Variants in TLN2 observed in about 807,000 individuals in gnomAD.
The protein encoded by TLN2 is talin 2.
TLN2 carries 118 observed loss-of-function variants against 294.7 expected under a neutral mutation model. The observed-to-expected ratio is 0.40, with a 90% CI of 0.34 to 0.47. The LOEUF (loss-of-function observed/expected upper bound fraction) is 0.47, where lower values mean the gene tolerates loss of function less well. TLN2 is among the 20% of genes least tolerant of loss of function. The pLI, the probability that TLN2 is intolerant of heterozygous loss-of-function variation, is 0.84. For synonymous variants in TLN2, 1,431 were observed against 1,304.5 expected (o/e 1.10, Z -2.09); for missense variants, 3,083 against 3,282.2 (o/e 0.94, Z 1.48).
chr15:62,714,685 A>G (rs572134846), intron 22 of TLN2, among the ~76,000 whole-genome samples: 2 of 152,298 alleles, frequency 1.3e-5, no homozygotes, highest in Admixed American at 6.5e-5. Flanking sequence ...CTTTGTAGCA[A>G]TATTTTAATT....
chr15:62,794,864 T>C (rs1257259847), intron 46 of TLN2, among the ~76,000 whole-genome samples: 4 of 152,184 alleles, frequency 2.6e-5, no homozygotes, highest in African/African-American at 9.7e-5. Context: ...TCCCCTGCCC[T>C]GGTCAGCATG....
intron 3 of TLN2, among the ~76,000 whole-genome samples, chr15:62,628,502 C>A (rs1475015345): frequency 1.3e-5 from 2 of 152,204 alleles, no homozygotes; most frequent in African/African-American, 4.8e-5. Context: ...GTATGAATTA[C>A]AGTAGAGATT....
intron 11 of TLN2, among the ~76,000 whole-genome samples, chr15:62,675,564 C>G (rs2056088373): frequency 6.6e-6 from 1 of 152,182 alleles, no homozygotes; most frequent in African/African-American, 2.4e-5. Flanking sequence ...AGATCACTGT[C>G]AAAGCTATAA....
At chr15:62,582,223 C>CACACACACACAT (rs1567138640) in intron 1 of TLN2, among the ~76,000 whole-genome samples, 5 of 144,182 alleles carry the variant, frequency 3.5e-5, no homozygotes, top group Admixed American at 7.2e-5. Flanking sequence ...CACACACACA[C>CACACACACACAT]ACACACACAC....
At chr15:62,799,236 G>C (rs2065754421) in intron 48 of TLN2, among the ~76,000 whole-genome samples, 1 of 152,190 alleles carries the variant, frequency 6.6e-6, no homozygotes, top group South Asian at 2.1e-4. Context: ...CATAAGGGTT[G>C]TGGTTCCCAC....
chr15:62,782,483 G>A (rs967331184), intron 44 of TLN2, among the ~76,000 whole-genome samples: 2 of 152,238 alleles, frequency 1.3e-5, no homozygotes, highest in Admixed American at 1.3e-4. Context: ...TGTCTCCAGA[G>A]CCAGGTCCTG....
chr15:62,731,656 C>A (rs773777641), intron 28 of TLN2, among the ~76,000 whole-genome samples: 1 of 152,176 alleles, frequency 6.6e-6, no homozygotes, highest in Non-Finnish European at 1.5e-5. Flanking sequence ...AGAAACTTTA[C>A]TCAGCTTCTT....
intron 48 of TLN2, among the ~76,000 whole-genome samples, chr15:62,798,257 G>A (rs1419893644): frequency 6.6e-6 from 1 of 152,112 alleles, no homozygotes; most frequent in East Asian, 1.9e-4. Flanking sequence ...GAGAAGAACT[G>A]GAAGGCTAGG....
intron 1 of TLN2, among the ~76,000 whole-genome samples, chr15:62,441,763 A>G (rs1476343000): frequency 6.6e-6 from 1 of 152,208 alleles, no homozygotes; most frequent in African/African-American, 2.4e-5. Context: ...ATTGATCAGC[A>G]ATGGCCAATG....
intron 11 of TLN2, among the ~76,000 whole-genome samples, chr15:62,675,821 G>A (rs2056118318): frequency 6.6e-6 from 1 of 152,166 alleles, no homozygotes; most frequent in Non-Finnish European, 1.5e-5. Flanking sequence ...GCGTGTTTTT[G>A]AAATTGTACC....
intron 1 of TLN2, among the ~76,000 whole-genome samples, chr15:62,393,125 C>T (rs558248146): frequency 6.6e-6 from 1 of 152,014 alleles, no homozygotes; most frequent in Non-Finnish European, 1.5e-5. Flanking sequence ...TTTAAGTTTC[C>T]AGTCTTAGAG....
intron 43 of TLN2, among the ~76,000 whole-genome samples, chr15:62,780,590 A>G (rs994678639): frequency 2.0e-5 from 3 of 152,124 alleles, no homozygotes; most frequent in Non-Finnish European, 2.9e-5. Context: ...CTCAGTTCCT[A>G]TTGCATTTAT....
At chr15:62,652,767 C>T (rs12440084) in intron 6 of TLN2, among the ~76,000 whole-genome samples, 1,915 of 152,086 alleles carry the variant, frequency 0.013, 97 homozygotes, top group Admixed American at 0.086. Context: ...TCTTTGGGTA[C>T]GATTTCACTA....
At chr15:62,439,788 A>C (rs2035461396) in intron 1 of TLN2, among the ~76,000 whole-genome samples, 1 of 152,100 alleles carries the variant, frequency 6.6e-6, no homozygotes, top group African/African-American at 2.4e-5. Flanking sequence ...GAACATTGAG[A>C]CTTTTGGCCT....
chr15:62,617,502 G>C (rs978044299), intron 2 of TLN2, among the ~76,000 whole-genome samples: 1 of 152,132 alleles, frequency 6.6e-6, no homozygotes, highest in Non-Finnish European at 1.5e-5. Flanking sequence ...CAAGAAACAC[G>C]ACTGTAACAG....
intron 1 of TLN2, among the ~76,000 whole-genome samples, chr15:62,518,321 G>A (rs1045316956): frequency 1.3e-5 from 2 of 152,166 alleles, no homozygotes; most frequent in African/African-American, 4.8e-5. Flanking sequence ...ATAGGCGTGA[G>A]CCACCACCAG....
chr15:62,514,104 C>T (rs535211441), intron 1 of TLN2, among the ~76,000 whole-genome samples: 1 of 152,222 alleles, frequency 6.6e-6, no homozygotes, highest in Non-Finnish European at 1.5e-5. Flanking sequence ...ACACACTGTA[C>T]CTAGCTGCTT....
intron 1 of TLN2, among the ~76,000 whole-genome samples, chr15:62,456,698 A>G (rs959023766): frequency 6.7e-6 from 1 of 149,082 alleles, no homozygotes; most frequent in African/African-American, 2.5e-5. Flanking sequence ...GAGGTTGGGA[A>G]TGAGGGCTTG....
chr15:62,454,446 G>T (rs1308209127), intron 1 of TLN2, among the ~76,000 whole-genome samples: 1 of 152,172 alleles, frequency 6.6e-6, no homozygotes, highest in Non-Finnish European at 1.5e-5. Flanking sequence ...TGGGACCTGA[G>T]AGCCGTCTCC....
Sources: allele counts gnomAD v4.1 joint callset (sites outside exome capture counted in the v4.1 genomes callset), GRCh38; gene constraint gnomAD v4.1.1; transcripts MANE v1.5; gene names NCBI Gene and HGNC (gene_info 2026-07-23, HGNC 2026-07-21).